VAV2: variants seen among roughly 807,000 people sequenced by gnomAD.
The protein encoded by VAV2 is vav guanine nucleotide exchange factor 2, also known as guanine nucleotide exchange factor VAV2.
Under a neutral mutation model 132.5 loss-of-function variants are expected in VAV2, and 67 were observed. The ratio of observed to expected loss-of-function variants is 0.51; its 90% CI spans 0.42 to 0.62. The LOEUF (loss-of-function observed/expected upper bound fraction) is 0.62. Ranked by LOEUF, VAV2 falls within the 20% of genes least tolerant of loss-of-function variation. VAV2 has a pLI of 0.00. For synonymous variants in VAV2, 492 were observed against 443.5 expected, an observed-to-expected ratio of 1.11 and a Z score of -1.37; for missense variants, 938 against 1,153.6, an observed-to-expected ratio of 0.81 and a Z score of 2.71.
At chr9:133,861,191 G>A (rs1022012397) in intron 3 of VAV2, 183 bp downstream of exon 3, 2 of 572,290 alleles carry the variant, frequency 3.5e-6, no homozygotes, top group Non-Finnish European at 5.8e-6. Flanking sequence ...GTGAGCTGAA[G>A]CCTCCCGCCC....
chr9:133,965,700 C>G (rs1411555379), intron 1 of VAV2, among the ~76,000 whole-genome samples: 4 of 151,966 alleles, frequency 2.6e-5, no homozygotes, highest in Non-Finnish European at 5.9e-5. Context: ...TGAAAATGAC[C>G]ACACTACCAA....
At chr9:133,865,641 CT>C (rs1482587689) in intron 2 of VAV2, among the ~76,000 whole-genome samples, 1 of 151,882 alleles carries the variant, frequency 6.6e-6, no homozygotes, top group African/African-American at 2.4e-5. Flanking sequence ...CATTCTGTTC[CT>C]TTTTTCCGAG....
chr9:133,927,028 G>A (rs1025037633), intron 2 of VAV2, among the ~76,000 whole-genome samples: 2 of 152,128 alleles, frequency 1.3e-5, no homozygotes, highest in Admixed American at 6.5e-5. Context: ...ACTTCTGCAG[G>A]TGCCCACCCA....
At chr9:133,890,460 T>A (rs7867413) in intron 2 of VAV2, among the ~76,000 whole-genome samples, 3,526 of 152,128 alleles carry the variant, frequency 0.023, 132 homozygotes, top group African/African-American at 0.08. Flanking sequence ...AGAGCAGAAA[T>A]GGGAAAAGTG....
At position 133,763,936 on chromosome 9, in the gene VAV2, C is replaced by A; in HGVS notation, c.*126G>T. 2 of 1,163,188 alleles carry A rather than the reference C, an allele frequency of 1.7e-6. No individual in the cohort carries two copies. The highest frequency in any genetic ancestry group is 1.3e-5 in the South Asian group (1 of 75,670). 72.1% of individuals were successfully genotyped at this position (1,163,188 alleles called of 1,614,324 possible). ...TAGGATTCTCAACACCCTCCCTATC[C>A]CTGTGGGCAGTGGAAGACTGGGAGG... On this transcript the variant is annotated 3_prime_UTR_variant, in exon 30 of 30. Transcript: ENST00000371850. This position sits in a 1 kb window ranked among gnomAD's most constrained non-coding sequence, Gnocchi z 6.8.
rs900006867 is a variant in VAV2, at chr9:133,824,258, G to A, written c.449+10014C>T. ...AGCAGTCCCACAGCCACCTCCCGAC[G>A]GGGACTGGGCTTGTCTAGACCACAG... On this transcript the variant is annotated intron_variant, in intron 4 of 29. Coordinates refer to ENST00000371850, the MANE Select transcript of VAV2 (RefSeq NM_001134398.2). This position sits in a 1 kb window ranked among gnomAD's most constrained non-coding sequence, Gnocchi z 5.2. 1.3e-5 allele frequency among the ~76,000 whole-genome samples: 2 copies of A among 152,124 alleles called. No homozygotes were observed. The highest frequency in any genetic ancestry group is 4.8e-5 in the African/African-American group (2 of 41,424).
chr9:133,814,098 G>T (rs2131709250), intron 4 of VAV2, among the ~76,000 whole-genome samples: 1 of 152,332 alleles, frequency 6.6e-6, no homozygotes. Flanking sequence ...CCGTCAGACG[G>T]GTTGGGCCCA....
At chr9:133,981,678 GC>G (rs565709902) in intron 1 of VAV2, among the ~76,000 whole-genome samples, 1 of 152,348 alleles carries the variant, frequency 6.6e-6, no homozygotes, top group South Asian at 2.1e-4. Context: ...AGGAGGTTGA[GC>G]TCGAGGGACA....
At chr9:133,962,658 G>A (rs959480503) in intron 1 of VAV2, among the ~76,000 whole-genome samples, 6 of 152,212 alleles carry the variant, frequency 3.9e-5, no homozygotes, top group African/African-American at 1.4e-4. Flanking sequence ...TGGGACTCGG[G>A]GGGCTGTGAA....
Position 133,852,738 on chromosome 9 carries a change from T to C in VAV2, c.380+8636A>G, listed in dbSNP as rs551896782. On this transcript the variant is annotated intron_variant, in intron 3 of 29. Coordinates refer to ENST00000371850, the MANE Select transcript of VAV2 (RefSeq NM_001134398.2). ...CCACGCAGTAAACAGCCAGTTACTG[T>C]ATTTCTGAACAAATGTGTCTCCTTT... 5.3e-5 allele frequency among the ~76,000 whole-genome samples: 8 copies of C among 152,228 alleles called. No homozygotes were observed. In the South Asian group the frequency reaches 1.2e-3, roughly 24 times the overall value.
At chr9:133,781,492 G>C (rs191121813) in intron 19 of VAV2, among the ~76,000 whole-genome samples, 3 of 143,170 alleles carry the variant, frequency 2.1e-5, no homozygotes, top group African/African-American at 3.0e-5. Context: ...GGTCAGGGGT[G>C]GGGGGCAGCT....
At chr9:133,944,989 T>C (rs1486897701) in intron 1 of VAV2, among the ~76,000 whole-genome samples, 1 of 152,056 alleles carries the variant, frequency 6.6e-6, no homozygotes, top group East Asian at 1.9e-4. Flanking sequence ...TTATAGGCGC[T>C]CCACGGCCGC....
In VAV2 at chr9:133,788,235, C is replaced by CCCCCCCCCAA; in HGVS notation, c.1407+118_1407+119insTTGGGGGGGG. On this transcript the variant is annotated intron_variant, in intron 15 of 29. Transcript: ENST00000371850. This position sits in a 1 kb window ranked among gnomAD's most constrained non-coding sequence, Gnocchi z 5.3. ...CAGAGCGGAGACGCCCACCCCAACC[C>CCCCCCCCCAA]ACCCGGCCAGCATCAGCGGCTGACT... 2.1e-5 allele frequency: 21 copies of CCCCCCCCCAA among 998,858 alleles called. No individual in the cohort carries two copies. The highest frequency in any genetic ancestry group is 3.1e-5 in the Non-Finnish European group (21 of 680,460). The allele number at this position is 998,858 out of a possible 1,614,324, so 61.9% of individuals were successfully genotyped here.
In VAV2 at chr9:133,961,552, T is replaced by G. The variant is rs1199106760; in HGVS notation, c.205-22333A>C. The stretch of plus-strand genomic sequence containing the variant: ...ACCCCCCGCTCAACAGGAACACAGC[T>G]GCTTCACCTCTCTGGGGTCTATAAT... On this transcript the variant is annotated intron_variant, in intron 1 of 29. Transcript: ENST00000371850. This position sits in a 1 kb window ranked among gnomAD's most constrained non-coding sequence, Gnocchi z 4.1. Among the ~76,000 whole-genome samples the G allele has an allele frequency of 6.6e-6, 1 of 152,176 alleles. No homozygotes were observed. The highest frequency in any genetic ancestry group is 1.9e-4 in the East Asian group (1 of 5,196).
At chr9:133,974,283 G>A (rs1842435168) in intron 1 of VAV2, among the ~76,000 whole-genome samples, 1 of 152,148 alleles carries the variant, frequency 6.6e-6, no homozygotes, top group African/African-American at 2.4e-5. Context: ...TGAATACCCA[G>A]GCCCACCACA....
intron 1 of VAV2, among the ~76,000 whole-genome samples, chr9:133,942,006 G>A (rs1428539920): frequency 6.6e-6 from 1 of 152,200 alleles, no homozygotes; most frequent in East Asian, 1.9e-4. Context: ...GTTTCGTGGG[G>A]AACAGAGCTC....
rs116733452 is a variant in VAV2, at chr9:133,826,500, C to T, written c.449+7772G>A. Reference sequence around the variant, plus strand: ...CCTCCTCATGCAGCCACCGGAGTGGCGGGGTGCCTTCCCACAGCAGCCTGT... The same window carrying T: ...CCTCCTCATGCAGCCACCGGAGTGGTGGGGTGCCTTCCCACAGCAGCCTGT... On this transcript the variant is annotated intron_variant, in intron 4 of 29. Transcript: ENST00000371850. This position sits in a 1 kb window ranked among gnomAD's most constrained non-coding sequence, Gnocchi z 4.2. 8.3e-3 allele frequency among the ~76,000 whole-genome samples: 1,259 copies of T among 152,292 alleles called. 17 individuals carry two copies. The highest frequency in any genetic ancestry group is 0.028 in the African/African-American group (1,158 of 41,558).
chr9:133,989,460 C>T (rs1247182027), intron 1 of VAV2, among the ~76,000 whole-genome samples: 1 of 147,786 alleles, frequency 6.8e-6, no homozygotes, highest in African/African-American at 2.5e-5. Flanking sequence ...GTGGAGGTTG[C>T]AGTGAGCCGG....
rs752965294 is a variant in VAV2, at chr9:133,785,865, T to G, written c.1443A>C (p.Leu481=). ...HGKMWSYGFY[L]IHLQGKQGFQ... ...AGCCCTGCTTTCCTTGAAGGTGAAT[T>G]AGGTAGAAGCCGTAGGACCACTGCA... Residue 481 remains leucine, a synonymous_variant, in exon 17 of 30, where the codon CTA becomes CTC. Coordinates refer to ENST00000371850, the MANE Select transcript of VAV2 (RefSeq NM_001134398.2). The G allele has an allele frequency of 1.9e-6, 3 of 1,613,752 alleles. No homozygotes were observed. Among genetic ancestry groups the G allele is most frequent in the South Asian group, 2.2e-5 (2 of 91,030 alleles).
Sources: allele counts gnomAD v4.1 joint callset (sites outside exome capture counted in the v4.1 genomes callset), GRCh38; gene constraint gnomAD v4.1.1; non-coding constraint Gnocchi (gnomAD v3.1); transcripts MANE v1.5; gene names NCBI Gene and HGNC (gene_info 2026-07-23, HGNC 2026-07-21).